Variants in CPS1 observed in about 807,000 individuals in gnomAD.
CPS1 encodes carbamoyl-phosphate synthase 1, also known as carbamoyl-phosphate synthase [ammonia], mitochondrial.
CPS1 carries 109 observed loss-of-function variants against 174.6 expected under a neutral mutation model. The ratio of observed to expected loss-of-function variants is 0.62; its 90% CI spans 0.53 to 0.73. The LOEUF is 0.73. Ranked by LOEUF, CPS1 falls within the 30% of genes least tolerant of loss-of-function variation. The pLI, the probability that CPS1 is intolerant of heterozygous loss-of-function variation, is 0.00. For missense variants in CPS1, 1,689 were observed against 1,821.9 expected (o/e 0.93, Z 1.33); for synonymous variants, 637 against 632.0 (o/e 1.01, Z -0.12).
In CPS1 at chr2:210,678,326, A is replaced by G; in HGVS notation, c.*341A>G. 1 of 371,178 alleles carries G rather than the reference A, an allele frequency of 2.7e-6. No homozygotes were observed. The highest frequency in any genetic ancestry group is 2.4e-5 in the South Asian group (1 of 42,314). The allele number at this position is 371,178 out of a possible 1,614,324, so 23.0% of individuals were successfully genotyped here. On this transcript the variant is annotated 3_prime_UTR_variant, in exon 38 of 38. Coordinates refer to ENST00000233072, the MANE Select transcript of CPS1 (RefSeq NM_001875.5). ...GGAAAAGTTGCTGTTCTATTTTCTG[A>G]ACTCTTTCTATACTTTAAGATACTC...
In CPS1 at chr2:210,594,488, T is replaced by C. The variant is rs762520830; in HGVS notation, c.1165-20T>C. 2 of 1,546,756 alleles carry C rather than the reference T, an allele frequency of 1.3e-6. No individual in the cohort carries two copies. Among genetic ancestry groups the C allele is most frequent in the Non-Finnish European group, 1.8e-6 (2 of 1,120,570 alleles). On this transcript the variant is annotated intron_variant, in intron 11 of 37. Transcript: ENST00000233072. ...TAGGAATTTTGAAGCTTCTAACTAG[T>C]TGGTTGTATTTTTTTCTAGTACCTG...
At chr2:210,520,838 C>T (rs1295640161) in intron 1 of CPS1, among the ~76,000 whole-genome samples, 1 of 151,912 alleles carries the variant, frequency 6.6e-6, no homozygotes, top group African/African-American at 2.4e-5. Flanking sequence ...ATGTTTTTTA[C>T]TCACTCACCT....
chr2:210,605,227 T>C lies in CPS1; in HGVS notation c.1962T>C (p.Asp654=), dbSNP rs1293382951. 8 of 1,612,000 alleles carry C rather than the reference T, an allele frequency of 5.0e-6. No individual in the cohort carries two copies. In the South Asian group the frequency reaches 7.7e-5, roughly 15 times the overall value. ...CVTVCNMENV[D]AMGVHTGDSV... ...CTGTCTGTAACATGGAAAATGTTGATGCCATGGGTGTTCACACAGGTAGGC... is the reference window on the plus strand; with the variant it reads ...CTGTCTGTAACATGGAAAATGTTGACGCCATGGGTGTTCACACAGGTAGGC... The change falls in exon 17 of 38, where the codon GAT becomes GAC. Residue 654 remains aspartate (D), a synonymous_variant. Transcript: ENST00000233072.
intron 1 of CPS1, among the ~76,000 whole-genome samples, chr2:210,502,933 A>T (rs1355704342): frequency 1.3e-5 from 2 of 152,092 alleles, no homozygotes; most frequent in African/African-American, 4.8e-5. Flanking sequence ...TAAAAATCCC[A>T]ATTTCTTTGG....
chr2:210,662,975 A>T, intron 32 of CPS1, 148 bp from the exon 33 acceptor site: 2 of 773,890 alleles, frequency 2.6e-6, no homozygotes, highest in Non-Finnish European at 4.3e-6. Context: ...TTCAAGTCGG[A>T]TGCTTGGACC....
intron 1 of CPS1, among the ~76,000 whole-genome samples, chr2:210,525,695 A>G (rs1695953119): frequency 6.6e-6 from 1 of 151,604 alleles, no homozygotes; most frequent in South Asian, 2.1e-4. Context: ...GAGATGTCAT[A>G]CCAGTGATGG....
intron 1 of CPS1, among the ~76,000 whole-genome samples, chr2:210,513,277 C>A (rs1403094583): frequency 6.6e-6 from 1 of 151,254 alleles, no homozygotes; most frequent in Non-Finnish European, 1.5e-5. Flanking sequence ...AGTAGCTGAG[C>A]TAATTTACAT....
chr2:210,569,244 T>C (rs1697401730), intron 1 of CPS1, among the ~76,000 whole-genome samples: 1 of 151,996 alleles, frequency 6.6e-6, no homozygotes, highest in Non-Finnish European at 1.5e-5. Context: ...ATGAGTATTA[T>C]GAAGAAAGAG....
At chr2:210,588,209 A>T in intron 7 of CPS1, 62 bp downstream of exon 7, 2 of 1,412,248 alleles carry the variant, frequency 1.4e-6, no homozygotes, top group Non-Finnish European at 2.0e-6. Context: ...TGTTCAGCTA[A>T]TTTCCTCTGT....
chr2:210,594,233 A>G (rs1698404663), intron 11 of CPS1, among the ~76,000 whole-genome samples: 1 of 151,946 alleles, frequency 6.6e-6, no homozygotes, highest in Non-Finnish European at 1.5e-5. Flanking sequence ...ACAATTTACT[A>G]AAAACTTGGC....
Position 210,573,314 on chromosome 2 carries a change from T to C in CPS1, c.143T>C (p.Ile48Thr), listed in dbSNP as rs1471219147. 3 of 1,612,806 alleles carry C rather than the reference T, an allele frequency of 1.9e-6. No homozygotes were observed. The highest frequency in any genetic ancestry group is 4.5e-5 in the East Asian group (2 of 44,886). Residue 48 changes from isoleucine (I) to threonine (T), a missense_variant, in exon 2 of 38, where the codon ATT becomes ACT. Ile to Thr is a moderately conservative substitution (Grantham distance 89). Transcript: ENST00000233072. ...TTTCTTCAGGCACAGACAGCACACA[T>C]TGTCCTGGAAGATGGAACTAAGATG... ...LLSVKAQTAH[I>T]VLEDGTKMKG...
chr2:210,600,409 A>G (rs1434975585), intron 14 of CPS1, 146 bp from the exon 15 acceptor site: 1 of 707,344 alleles, frequency 1.4e-6, no homozygotes, highest in Admixed American at 2.9e-5. Context: ...TTTTTATTTC[A>G]ATTTTTTTCC....
chr2:210,594,478 T>G, intron 11 of CPS1, 30 bp from the exon 12 acceptor site: 1 of 1,492,988 alleles, frequency 6.7e-7, no homozygotes, highest in South Asian at 1.1e-5. Flanking sequence ...ATTTTGAAGC[T>G]TCTAACTAGT....
intron 33 of CPS1, among the ~76,000 whole-genome samples, chr2:210,665,973 C>A (rs545267633): frequency 6.8e-6 from 1 of 147,846 alleles, no homozygotes; most frequent in Admixed American, 6.8e-5. Context: ...TTCTCCACAT[C>A]CTCTCCAGCA....
chr2:210,627,238 A>G (rs1163815674), intron 21 of CPS1, among the ~76,000 whole-genome samples: 1 of 152,184 alleles, frequency 6.6e-6, no homozygotes, highest in Non-Finnish European at 1.5e-5. Context: ...TCACCTTTGA[A>G]AAATGTAAAC....
intron 1 of CPS1, among the ~76,000 whole-genome samples, chr2:210,516,433 C>G (rs1695684059): frequency 6.6e-6 from 1 of 151,810 alleles, no homozygotes; most frequent in South Asian, 2.1e-4. Context: ...TTTCCTCTTT[C>G]CCAGTGTCTT....
chr2:210,537,096 T>C (rs1696276221), intron 1 of CPS1, among the ~76,000 whole-genome samples: 2 of 152,236 alleles, frequency 1.3e-5, no homozygotes, highest in African/African-American at 2.4e-5. Context: ...TTTTGTACTT[T>C]GACATGCTGA....
At chr2:210,573,567 G>T (rs1241420333) in intron 2 of CPS1, among the ~76,000 whole-genome samples, 160 bp downstream of exon 2, 4 of 152,064 alleles carry the variant, frequency 2.6e-5, no homozygotes, top group Non-Finnish European at 5.9e-5. Context: ...TGCCGTCCTT[G>T]AAAGAAAGTT....
intron 16 of CPS1, 146 bp from the exon 17 acceptor site, chr2:210,604,956 A>T: frequency 1.3e-6 from 1 of 788,016 alleles, no homozygotes; most frequent in African/African-American, 1.7e-5. Flanking sequence ...TTTCTGACAC[A>T]TTGTGCCTTC....
Sources: allele counts gnomAD v4.1 joint callset (sites outside exome capture counted in the v4.1 genomes callset), GRCh38; gene constraint gnomAD v4.1.1; transcripts MANE v1.5; gene names NCBI Gene and HGNC (gene_info 2026-07-23, HGNC 2026-07-21).